Variants in CACNA2D1 observed in about 807,000 individuals in gnomAD.
CACNA2D1 encodes calcium voltage-gated channel auxiliary subunit alpha2delta 1, also known as voltage-dependent calcium channel subunit alpha-2/delta-1.
CACNA2D1 carries 53 observed loss-of-function variants against 171.5 expected under a neutral mutation model. That is an observed-to-expected ratio of 0.31 (90% CI 0.25 to 0.39). The LOEUF (loss-of-function observed/expected upper bound fraction) is 0.39. CACNA2D1 is among the 10% of genes least tolerant of loss of function. The pLI, the probability that CACNA2D1 is intolerant of heterozygous loss-of-function variation, is 1.00. For missense variants in CACNA2D1, 903 were observed against 1,299.8 expected, an observed-to-expected ratio of 0.69 and a Z score of 4.69; for synonymous variants, 442 against 443.1, an observed-to-expected ratio of 1.00 and a Z score of 0.03.
chr7:82,416,616 T>C (rs976249434), intron 1 of CACNA2D1, among the ~76,000 whole-genome samples: 2 of 152,188 alleles, frequency 1.3e-5, no homozygotes, highest in African/African-American at 2.4e-5. Context: ...TCTCTATTTA[T>C]AGCAATGATC....
chr7:82,078,740 A>C (rs1809317346), intron 7 of CACNA2D1, among the ~76,000 whole-genome samples: 1 of 152,154 alleles, frequency 6.6e-6, no homozygotes, highest in Non-Finnish European at 1.5e-5. Context: ...ATTTTGTTCA[A>C]TCATCCCAAG....
At chr7:82,371,246 T>G (rs1218055340) in intron 1 of CACNA2D1, among the ~76,000 whole-genome samples, 1 of 152,180 alleles carries the variant, frequency 6.6e-6, no homozygotes, top group South Asian at 2.1e-4. Flanking sequence ...TTAGAGTATT[T>G]CTCATTTAGT....
intron 4 of CACNA2D1, among the ~76,000 whole-genome samples, chr7:82,141,671 C>T (rs1157097): frequency 0.26 from 39,755 of 152,110 alleles, 5,854 homozygotes; most frequent in East Asian, 0.36. Flanking sequence ...AGGATCTGAC[C>T]TCGTATATAT....
chr7:82,137,391 T>C (rs1455961689), intron 4 of CACNA2D1, among the ~76,000 whole-genome samples: 1 of 152,104 alleles, frequency 6.6e-6, no homozygotes, highest in Non-Finnish European at 1.5e-5. Context: ...AATTTAAAAC[T>C]CCTATTCTTT....
intron 24 of CACNA2D1, among the ~76,000 whole-genome samples, chr7:81,977,654 C>G (rs1365054003): frequency 2.0e-5 from 3 of 152,144 alleles, no homozygotes; most frequent in African/African-American, 7.2e-5. Context: ...AAAATCCAGG[C>G]AATACCATTC....
chr7:82,267,509 T>C (rs1325653262), intron 3 of CACNA2D1, among the ~76,000 whole-genome samples: 1 of 152,222 alleles, frequency 6.6e-6, no homozygotes, highest in Non-Finnish European at 1.5e-5. Context: ...TAGTACCTAA[T>C]TGTATAATAT....
intron 3 of CACNA2D1, among the ~76,000 whole-genome samples, chr7:82,297,387 T>C (rs1812430188): frequency 6.6e-6 from 1 of 152,180 alleles, no homozygotes; most frequent in African/African-American, 2.4e-5. Context: ...ATACTTCCTT[T>C]GTGGGGGGAG....
At chr7:81,956,374 C>T (rs1011791902) in intron 38 of CACNA2D1, among the ~76,000 whole-genome samples, 2 of 151,836 alleles carry the variant, frequency 1.3e-5, no homozygotes, top group African/African-American at 4.8e-5. Context: ...TAAATCTTAT[C>T]TAAAAATTCT....
intron 6 of CACNA2D1, among the ~76,000 whole-genome samples, chr7:82,108,100 T>C (rs1787960568): frequency 6.6e-6 from 1 of 152,184 alleles, no homozygotes; most frequent in Non-Finnish European, 1.5e-5. Flanking sequence ...GAGTTATAAA[T>C]GGTATCAAAT....
chr7:82,051,654 A>C (rs1038416247), intron 10 of CACNA2D1, among the ~76,000 whole-genome samples: 2 of 152,186 alleles, frequency 1.3e-5, no homozygotes, highest in East Asian at 3.9e-4. Context: ...AACTTTTAGC[A>C]TATTGTCTGC....
At chr7:82,318,804 T>A (rs1010399770) in intron 3 of CACNA2D1, among the ~76,000 whole-genome samples, 1 of 152,028 alleles carries the variant, frequency 6.6e-6, no homozygotes, top group African/African-American at 2.4e-5. Flanking sequence ...GGCCTTATCA[T>A]ATCATGTAAT....
chr7:82,378,938 CGTGTGTGTGTGTGTGT>C lies in CACNA2D1; in HGVS notation c.96-29305_96-29290del, dbSNP rs533854397. On this transcript the variant is annotated intron_variant, in intron 1 of 38. Coordinates refer to ENST00000356860, the MANE Select transcript of CACNA2D1 (RefSeq NM_000722.4). Reference sequence around the variant, plus strand: ...TACTGTATGTGTGCAGGGGTTGACTCGTGTGTGTGTGTGTGTGTGTGTGTGTGTGTGTGTGTGTGTG... The same window carrying C: ...TACTGTATGTGTGCAGGGGTTGACTCGTGTGTGTGTGTGTGTGTGTGTGTG... Among the ~76,000 whole-genome samples the C allele has an allele frequency of 6.3e-4, 87 of 139,170 alleles. 1 individual carries two copies. The East Asian group carries it at 7.3e-3, about 12-fold the overall frequency. 91.3% of individuals were successfully genotyped at this position (139,170 alleles called of 152,430 possible).
At chr7:81,975,879 T>C (rs1433550363) in intron 24 of CACNA2D1, among the ~76,000 whole-genome samples, 1 of 152,142 alleles carries the variant, frequency 6.6e-6, no homozygotes, top group Non-Finnish European at 1.5e-5. Flanking sequence ...ATACTCTTAG[T>C]TGTTTTCTTC....
chr7:82,094,308 G>T (rs1440526577), intron 6 of CACNA2D1, among the ~76,000 whole-genome samples: 1 of 151,974 alleles, frequency 6.6e-6, no homozygotes, highest in Non-Finnish European at 1.5e-5. Flanking sequence ...ATATATAAAG[G>T]TATGAATGAA....
chr7:82,280,750 T>C (rs976503751), intron 3 of CACNA2D1, among the ~76,000 whole-genome samples: 8 of 152,112 alleles, frequency 5.3e-5, no homozygotes, highest in Admixed American at 6.5e-5. Context: ...GGTATGATCA[T>C]AGCTCACTGC....
At chr7:82,424,027 A>C (rs2129457790) in intron 1 of CACNA2D1, among the ~76,000 whole-genome samples, 1 of 152,310 alleles carries the variant, frequency 6.6e-6, no homozygotes, top group East Asian at 1.9e-4. Flanking sequence ...TCCATTTCAC[A>C]AAAATATACC....
chr7:81,971,065 A>C (rs1795216218), intron 26 of CACNA2D1: 1 of 274,392 alleles, frequency 3.6e-6, no homozygotes, highest in Non-Finnish European at 7.0e-6. Flanking sequence ...TGTTTGGTAT[A>C]GAAAAAAAAC....
intron 6 of CACNA2D1, among the ~76,000 whole-genome samples, chr7:82,098,111 C>T (rs970157832): frequency 1.3e-5 from 2 of 151,898 alleles, no homozygotes; most frequent in African/African-American, 4.8e-5. Flanking sequence ...GCCTGGGTGA[C>T]AGAGCAAGAC....
intron 21 of CACNA2D1, among the ~76,000 whole-genome samples, chr7:81,989,239 T>C (rs1188034130): frequency 6.6e-6 from 1 of 152,180 alleles, no homozygotes; most frequent in African/African-American, 2.4e-5. Context: ...GAGCTGACGG[T>C]CAGTAAGGTC....
Sources: gnomAD v4.1 joint callset for allele counts (sites outside exome capture counted in the v4.1 genomes callset) on GRCh38, gnomAD v4.1.1 for gene constraint, MANE v1.5 for transcripts, NCBI Gene and HGNC (gene_info 2026-07-23, HGNC 2026-07-21) for gene names.